The following NLRP14 variants were observed in gnomAD, a reference collection of about 807,000 sequenced individuals.
NLRP14 encodes the protein NACHT, LRR and PYD domains-containing protein 14.
A neutral mutation model predicts 94.7 loss-of-function variants in NLRP14; 105 were observed. The ratio of observed to expected loss-of-function variants is 1.11; its 90% CI spans 0.95 to 1.30. The LOEUF is 1.30. NLRP14 is among the 50% of genes most tolerant of loss of function. NLRP14 has a pLI of 0.00. For synonymous variants in NLRP14, 508 were observed against 459.9 expected (o/e 1.10, Z -1.34); for missense variants, 1,362 against 1,254.1 (o/e 1.09, Z -1.30).
intron 1 of NLRP14, among the ~76,000 whole-genome samples, chr11:7,031,751 C>T (rs1167413952): frequency 2.6e-5 from 4 of 152,190 alleles, no homozygotes; most frequent in Non-Finnish European, 5.9e-5. Context: ...GAGTCTTCCC[C>T]TAGCCCCTCT....
At chr11:7,050,281 A>G (rs764651974) in intron 6 of NLRP14, among the ~76,000 whole-genome samples, 3 of 152,122 alleles carry the variant, frequency 2.0e-5, no homozygotes, top group Admixed American at 6.6e-5. Context: ...TCAATTTAGA[A>G]CTTCAACTCA....
chr11:7,026,665 C>G (rs2119551922), intron 1 of NLRP14, among the ~76,000 whole-genome samples: 1 of 151,792 alleles, frequency 6.6e-6, no homozygotes, highest in Non-Finnish European at 1.5e-5. Flanking sequence ...GGTATATACC[C>G]AAAGGATTAT....
At chr11:7,075,829 C>T (rs1025129399), downstream of NLRP14, among the ~76,000 whole-genome samples, 7 of 152,180 alleles carry the variant, frequency 4.6e-5, no homozygotes, top group Non-Finnish European at 1.5e-5. Context: ...GAAGTTTGAT[C>T]ACCCTAGAGA....
chr11:7,031,163 GT>G (rs1717579980), intron 1 of NLRP14, among the ~76,000 whole-genome samples: 1 of 152,204 alleles, frequency 6.6e-6, no homozygotes, highest in Non-Finnish European at 1.5e-5. Flanking sequence ...ATCCTTTCCT[GT>G]CCTTCTGAGG....
the NLRP14 span, chr11:7,090,067 C>G: frequency 6.2e-7 from 1 of 1,612,866 alleles, no homozygotes; most frequent in Non-Finnish European, 8.5e-7. Flanking sequence ...GGCTACTCAC[C>G]CGATGCCTAC....
At chr11:7,074,187 T>A (rs1302711887), downstream of NLRP14, among the ~76,000 whole-genome samples, 1 of 152,194 alleles carries the variant, frequency 6.6e-6, no homozygotes, top group Admixed American at 6.5e-5. Context: ...TGTGGAGGAC[T>A]GGAGAATAGA....
chr11:7,086,900 C>G, the NLRP14 span, among the ~76,000 whole-genome samples: 1 of 152,116 alleles, frequency 6.6e-6, no homozygotes, highest in African/African-American at 2.4e-5. Context: ...GAACCTAAAA[C>G]AATAACCATG....
chr11:7,074,373 T>G (rs10839712), downstream of NLRP14, among the ~76,000 whole-genome samples: 98,892 of 152,012 alleles, frequency 0.65, 32,807 homozygotes, highest in East Asian at 0.91. Flanking sequence ...GTTAGAGGAA[T>G]CTAACTGGGG....
intron 6 of NLRP14, among the ~76,000 whole-genome samples, chr11:7,053,049 C>T (rs915806936): frequency 5.9e-5 from 9 of 152,104 alleles, no homozygotes; most frequent in African/African-American, 2.2e-4. Flanking sequence ...CCTTTAAAGG[C>T]TGAGACCATA....
At position 7,058,225 on chromosome 11, in the gene NLRP14, G is replaced by C. The variant is rs1747387140; in HGVS notation, c.2463-55G>C. The stretch of plus-strand genomic sequence containing the variant: ...CCACTGATTTCCCTGTGAAGGAGAA[G>C]AGAAGCATGGGCTTTGGGAATTGAC... On this transcript the variant is annotated intron_variant, in intron 7 of 11. Transcript: ENST00000299481. The C allele has an allele frequency of 4.1e-6, 6 of 1,479,018 alleles. No homozygotes were observed. The South Asian group carries it at 6.8e-5, about 17-fold the overall frequency. The allele number at this position is 1,479,018 out of a possible 1,614,324, so 91.6% of individuals were successfully genotyped here.
rs1852285873 is a variant in NLRP14, at chr11:7,043,014, A to G, written c.988A>G (p.Met330Val). The G allele has an allele frequency of 1.9e-6, 3 of 1,614,200 alleles. No homozygotes were observed. Among genetic ancestry groups the G allele is most frequent in the African/African-American group, 1.3e-5 (1 of 75,058 alleles). ...KNHHYVELLGMSEDAREEYIY... is the reference protein window; with the variant it reads ...KNHHYVELLGVSEDAREEYIY... ...TCACCATTATGTAGAGCTACTAGGAATGTCTGAGGATGCAAGAGAGGAGTA... is the reference window on the plus strand; with the variant it reads ...TCACCATTATGTAGAGCTACTAGGAGTGTCTGAGGATGCAAGAGAGGAGTA... Residue 330 changes from methionine (M) to valine (V), a missense_variant, in exon 4 of 12, where the codon ATG becomes GTG. Coordinates refer to ENST00000299481, the MANE Select transcript of NLRP14 (RefSeq NM_176822.4).
intron 1 of NLRP14, among the ~76,000 whole-genome samples, chr11:7,023,850 A>G (rs1000735883): frequency 5.3e-5 from 8 of 151,920 alleles, no homozygotes; most frequent in Non-Finnish European, 8.8e-5. Context: ...GAGAGTAGGG[A>G]GGGAGGTTCC....
chr11:7,024,062 A>G (rs892300730), intron 1 of NLRP14, among the ~76,000 whole-genome samples: 2 of 152,186 alleles, frequency 1.3e-5, no homozygotes, highest in Admixed American at 1.3e-4. Flanking sequence ...ATGATCTAAC[A>G]TACAAAATTA....
chr11:7,032,605 T>C (rs559832939), intron 1 of NLRP14, among the ~76,000 whole-genome samples: 55 of 152,346 alleles, frequency 3.6e-4, no homozygotes, highest in Admixed American at 2.2e-3. Flanking sequence ...AAGCTTATTT[T>C]TGTCATTTTG....
chr11:7,030,545 T>C (rs1852076399), intron 1 of NLRP14, among the ~76,000 whole-genome samples: 1 of 151,612 alleles, frequency 6.6e-6, no homozygotes. Flanking sequence ...GCTGTATTCC[T>C]TGCCCCACTC....
At chr11:7,031,235 G>A (rs1351372236) in intron 1 of NLRP14, among the ~76,000 whole-genome samples, 1 of 152,236 alleles carries the variant, frequency 6.6e-6, no homozygotes, top group Non-Finnish European at 1.5e-5. Context: ...GGTATGGAAT[G>A]ACTCTCCTCT....
intron 6 of NLRP14, among the ~76,000 whole-genome samples, chr11:7,054,196 C>T (rs1052908776): frequency 6.6e-6 from 1 of 152,116 alleles, no homozygotes; most frequent in African/African-American, 2.4e-5. Flanking sequence ...TTTTCTTTAT[C>T]CATTCACCTT....
chr11:7,078,662 C>A, the NLRP14 span, among the ~76,000 whole-genome samples: 2 of 151,730 alleles, frequency 1.3e-5, no homozygotes, highest in African/African-American at 4.8e-5. Flanking sequence ...GTGGTGGGTG[C>A]TTGCAATCCC....
chr11:7,081,012 T>C, the NLRP14 span, among the ~76,000 whole-genome samples: 1 of 152,118 alleles, frequency 6.6e-6, no homozygotes, highest in African/African-American at 2.4e-5. Flanking sequence ...GACAGAAATC[T>C]TTCTGGCCCA....
Sources: gnomAD v4.1 joint callset for allele counts (sites outside exome capture counted in the v4.1 genomes callset) on GRCh38, gnomAD v4.1.1 for gene constraint, MANE v1.5 for transcripts, NCBI Gene and HGNC (gene_info 2026-07-23, HGNC 2026-07-21) for gene names.